The following USP49 variants were observed in gnomAD, a reference collection of about 807,000 sequenced individuals.
USP49 encodes the protein ubiquitin specific peptidase 49, also known as ubiquitin carboxyl-terminal hydrolase 49.
Under a neutral mutation model 58.6 loss-of-function variants are expected in USP49, and 24 were observed. The ratio of observed to expected loss-of-function variants is 0.41; its 90% CI spans 0.30 to 0.58. The LOEUF is 0.58. USP49 is among the 20% of genes least tolerant of loss of function. The pLI is 0.30. For missense variants in USP49, 703 were observed against 866.1 expected (o/e 0.81, Z 2.36); for synonymous variants, 408 against 365.1 (o/e 1.12, Z -1.34).
chr6:41,887,042 T>C (rs573841677), intron 2 of USP49, among the ~76,000 whole-genome samples: 2 of 152,168 alleles, frequency 1.3e-5, no homozygotes, highest in Non-Finnish European at 2.9e-5. Context: ...ACATGGTCCA[T>C]CCAAGTGAGC....
At chr6:41,798,666 A>G (rs1024410131) in intron 7 of USP49, 58 bp downstream of exon 7, 7 of 1,612,778 alleles carry the variant, frequency 4.3e-6, no homozygotes, top group Non-Finnish European at 5.9e-6. Context: ...AAACAATAAA[A>G]TGTGGACAAA....
intron 3 of USP49, among the ~76,000 whole-genome samples, chr6:41,813,692 C>G (rs979148859): frequency 1.5e-4 from 23 of 152,142 alleles, no homozygotes; most frequent in African/African-American, 5.6e-4. Context: ...CAGAGTAAAT[C>G]CATTCAGGAA....
chr6:41,880,739 A>G (rs1774589465), intron 2 of USP49, among the ~76,000 whole-genome samples: 1 of 152,082 alleles, frequency 6.6e-6, no homozygotes, highest in Non-Finnish European at 1.5e-5. Context: ...TTTTCTCAGG[A>G]GCTTCTGGGG....
At chr6:41,883,060 A>G (rs991663778) in intron 2 of USP49, among the ~76,000 whole-genome samples, 2 of 152,178 alleles carry the variant, frequency 1.3e-5, no homozygotes, top group African/African-American at 4.8e-5. Flanking sequence ...CAAGAAAAAT[A>G]CAGGAAACAA....
chr6:41,845,425 C>T (rs1391840496), intron 3 of USP49, among the ~76,000 whole-genome samples: 1 of 151,800 alleles, frequency 6.6e-6, no homozygotes, highest in Non-Finnish European at 1.5e-5. Context: ...GAGGCTGAGG[C>T]AGGAGAATCG....
chr6:41,805,430 C>T (rs752307382), intron 4 of USP49, among the ~76,000 whole-genome samples, 198 bp downstream of exon 4: 18 of 152,072 alleles, frequency 1.2e-4, no homozygotes, highest in Non-Finnish European at 2.4e-4. Flanking sequence ...AAAATCTGGC[C>T]GGAAAGACAC....
chr6:41,878,236 C>G (rs182977612), intron 2 of USP49, among the ~76,000 whole-genome samples: 62 of 152,270 alleles, frequency 4.1e-4, no homozygotes, highest in Non-Finnish European at 7.8e-4. Context: ...ATTCAAACAT[C>G]CCAGGTGTTC....
Position 41,793,726 on chromosome 6 carries a change from A to C in USP49, c.*2807T>G, listed in dbSNP as rs1772838964. 6.6e-6 allele frequency: 1 copy of C among 152,220 alleles called. No individual in the cohort carries two copies. Among genetic ancestry groups the C allele is most frequent in the Non-Finnish European group, 1.5e-5 (1 of 68,052 alleles). 9.4% of individuals were successfully genotyped at this position (152,220 alleles called of 1,614,324 possible). A position where few individuals can be genotyped will look rare whatever the true frequency, so the allele number is the denominator to read the frequency against. On this transcript the variant is annotated 3_prime_UTR_variant, in exon 8 of 8. Transcript: ENST00000682992. ...ATACTAGCATGGATGTTCGTCTCAG[A>C]GGCAACCACAGATATGAGGGTCAGG...
chr6:41,838,994 T>C (rs1268794583), intron 3 of USP49, among the ~76,000 whole-genome samples: 2 of 152,282 alleles, frequency 1.3e-5, no homozygotes, highest in East Asian at 1.9e-4. Context: ...GAAATCAAGA[T>C]GGAAATTTAA....
intron 3 of USP49, among the ~76,000 whole-genome samples, chr6:41,828,367 T>C (rs1773578681): frequency 1.3e-5 from 2 of 152,092 alleles, no homozygotes; most frequent in African/African-American, 4.8e-5. Flanking sequence ...GAGAATTGCT[T>C]GAACCCGGGA....
intron 3 of USP49, among the ~76,000 whole-genome samples, chr6:41,838,431 G>A (rs1195633256): frequency 6.6e-6 from 1 of 152,156 alleles, no homozygotes; most frequent in Non-Finnish European, 1.5e-5. Context: ...ACCTGAAGAG[G>A]AATCTATCAC....
chr6:41,818,450 G>C (rs947068215), intron 3 of USP49, among the ~76,000 whole-genome samples: 2 of 152,156 alleles, frequency 1.3e-5, no homozygotes, highest in African/African-American at 2.4e-5. Flanking sequence ...AGATTGGCTG[G>C]GTAAGGATTA....
At chr6:41,874,396 T>C (rs1222375442) in intron 2 of USP49, among the ~76,000 whole-genome samples, 1 of 152,172 alleles carries the variant, frequency 6.6e-6, no homozygotes, top group Non-Finnish European at 1.5e-5. Context: ...CTTGAAACCT[T>C]ACCCAATTTA....
rs1772780890 is a variant in USP49, at chr6:41,790,622, T to G, written c.*5911A>C. On this transcript the variant is annotated 3_prime_UTR_variant, in exon 8 of 8. Transcript: ENST00000682992. ...TCAGTATATAAGGACCACAGTGGCC[T>G]GTTAAGGATGACAGATGTCTCTAGC... The G allele has an allele frequency of 6.6e-6, 1 of 152,228 alleles. No individual in the cohort carries two copies. Among genetic ancestry groups the G allele is most frequent in the Non-Finnish European group, 1.5e-5 (1 of 68,046 alleles). 9.4% of individuals were successfully genotyped at this position (152,228 alleles called of 1,614,324 possible). A position where few individuals can be genotyped will look rare whatever the true frequency, so the allele number is the denominator to read the frequency against.
intron 3 of USP49, among the ~76,000 whole-genome samples, chr6:41,809,567 C>T (rs1773208432): frequency 1.3e-5 from 2 of 151,344 alleles, no homozygotes; most frequent in South Asian, 4.2e-4. Context: ...TGGCTCACAC[C>T]TGTAATCCTA....
rs750554647 is a variant in USP49, at chr6:41,806,376, G to A, written c.608C>T (p.Thr203Ile). 1.1e-5 allele frequency: 17 copies of A among 1,545,234 alleles called. No individual in the cohort carries two copies. Among genetic ancestry groups the A allele is most frequent in the Non-Finnish European group, 1.5e-5 (17 of 1,155,640 alleles). The stretch of plus-strand genomic sequence containing the variant: ...CAGCCGTGCACTCTTGCGCGGAGGG[G>A]TGCTGGCCAGCTCCTCCAGCAGCCG... ...KRRLLEELAS[T>I]PPRKSARLLL... The change falls in exon 4 of 8, where the codon ACC becomes ATC. Residue 203 changes from threonine (T) to isoleucine (I), a missense_variant. Transcript: ENST00000682992. The surrounding 1 kb of genome is among the most constrained non-coding windows in gnomAD (Gnocchi z 5.9).
intron 1 of USP49, among the ~76,000 whole-genome samples, chr6:41,894,610 C>T (rs1172143996): frequency 6.6e-6 from 1 of 152,050 alleles, no homozygotes; most frequent in Non-Finnish European, 1.5e-5. Context: ...CTTTCCTACT[C>T]CCAACTATTA....
At chr6:41,828,583 T>C (rs1173468989) in intron 3 of USP49, among the ~76,000 whole-genome samples, 1 of 152,238 alleles carries the variant, frequency 6.6e-6, no homozygotes, top group African/African-American at 2.4e-5. Flanking sequence ...TTTATATTTT[T>C]CATATTAAAT....
In USP49 at chr6:41,806,897, A is replaced by C; in HGVS notation, c.87T>G (p.Cys29Trp). Residue 29 changes from cysteine (C) to tryptophan (W), a missense_variant, in exon 4 of 8, where the codon TGT becomes TGG. Physicochemically the swap from Cys to Trp is radical, Grantham distance 215. Coordinates refer to ENST00000682992, the MANE Select transcript of USP49 (RefSeq NM_001286554.2). This position sits in a 1 kb window ranked among gnomAD's most constrained non-coding sequence, Gnocchi z 5.9. ...AGGCCCACACGGACTCGGTGGTGGC[A>C]CACTCTAAGCAGCACCACTTCTGAG... ...LNPQKWCCLE[C>W]ATTESVWACL... The C allele has an allele frequency of 6.2e-7, 1 of 1,613,946 alleles. No homozygotes were observed.
Sources: allele counts gnomAD v4.1 joint callset (sites outside exome capture counted in the v4.1 genomes callset), GRCh38; gene constraint gnomAD v4.1.1; non-coding constraint Gnocchi (gnomAD v3.1); transcripts MANE v1.5; gene names NCBI Gene and HGNC (gene_info 2026-07-23, HGNC 2026-07-21).